Variants in DSG2 observed in about 807,000 individuals in gnomAD.
The protein encoded by DSG2 is desmoglein 2, also known as desmoglein-2.
DSG2 carries 45 observed loss-of-function variants against 75.6 expected under a neutral mutation model. The observed-to-expected ratio is 0.60, with a 90% CI of 0.47 to 0.76. DSG2 has a LOEUF of 0.76. Among genes scored for constraint, DSG2 ranks in the 30% least tolerant of loss-of-function variants. The probability of loss-of-function intolerance (pLI) is 0.00; values close to 1 mark genes in which losing one functional copy is unlikely to be tolerated. For synonymous variants in DSG2, 429 were observed against 483.9 expected (o/e 0.89, Z 1.49); for missense variants, 1,267 against 1,357.4 (o/e 0.93, Z 1.05).
rs74603547 is a variant in DSG2 at position 31,527,887 on chromosome 18, G to A, written c.1014+2999G>A. Reference sequence around the variant, plus strand: ...GGCTTATACACAGTGCCTTCTTGTTGTATCATCACATAGTGGAACATCCAA... The same window carrying A: ...GGCTTATACACAGTGCCTTCTTGTTATATCATCACATAGTGGAACATCCAA... On this transcript the variant is annotated intron_variant, in intron 8 of 14. Transcript: ENST00000261590. Among the ~76,000 whole-genome samples the A allele has an allele frequency of 7.7e-3, 1,180 of 152,270 alleles. 10 individuals carry two copies. The highest frequency in any genetic ancestry group is 0.028 in the African/African-American group (1,146 of 41,526).
intron 1 of DSG2, among the ~76,000 whole-genome samples, chr18:31,511,435 A>C (rs1164410909): frequency 6.6e-6 from 1 of 152,224 alleles, no homozygotes; most frequent in Admixed American, 6.5e-5. Flanking sequence ...GATTGGTCTA[A>C]ATTAAGAATG....
intron 1 of DSG2, among the ~76,000 whole-genome samples, 169 bp downstream of exon 1, chr18:31,498,465 G>T (rs947318701): frequency 6.6e-6 from 1 of 152,182 alleles, no homozygotes; most frequent in Non-Finnish European, 1.5e-5. Flanking sequence ...GGCGAGATCC[G>T]ACCTGGGGCT....
chr18:31,541,433 G>T, intron 13 of DSG2, 119 bp downstream of exon 13: 2 of 1,316,190 alleles, frequency 1.5e-6, no homozygotes, highest in Non-Finnish European at 2.1e-6. Context: ...TTTCACTCAT[G>T]TGCCTTTGTT....
intron 1 of DSG2, among the ~76,000 whole-genome samples, chr18:31,509,904 C>T (rs1277249000): frequency 6.6e-6 from 1 of 152,216 alleles, no homozygotes; most frequent in Non-Finnish European, 1.5e-5. Context: ...CATCCACTCC[C>T]TTTATTTTAT....
At chr18:31,527,743 A>G (rs1321936935) in intron 8 of DSG2, among the ~76,000 whole-genome samples, 1 of 152,234 alleles carries the variant, frequency 6.6e-6, no homozygotes, top group African/African-American at 2.4e-5. Context: ...TTGGGCTGCT[A>G]CAACAAAATG....
chr18:31,526,613 C>T lies in DSG2; in HGVS notation c.1014+1725C>T, dbSNP rs577957426. Among the ~76,000 whole-genome samples, 22 of 152,186 alleles carry T rather than the reference C, an allele frequency of 1.4e-4. No individual in the cohort carries two copies. The South Asian group carries it at 2.9e-3, about 20-fold the overall frequency. On this transcript the variant is annotated intron_variant, in intron 8 of 14. Transcript: ENST00000261590. Reference sequence around the variant, plus strand: ...AGCCATCAATTTATAGGTATGACCACGCCAGATACCTGAGATAGAAAAGCC... The same window carrying T: ...AGCCATCAATTTATAGGTATGACCATGCCAGATACCTGAGATAGAAAAGCC...
intron 8 of DSG2, 46 bp downstream of exon 8, chr18:31,524,934 G>A (rs1260459236): frequency 6.4e-7 from 1 of 1,563,020 alleles, no homozygotes; most frequent in East Asian, 2.2e-5. Context: ...GTTGGTGCTG[G>A]AAAGGAATCT....
chr18:31,516,080 A>G (rs115978227), intron 1 of DSG2, among the ~76,000 whole-genome samples: 4 of 152,318 alleles, frequency 2.6e-5, no homozygotes, highest in Admixed American at 2.0e-4. Context: ...TCAATTTGGA[A>G]TTATAAGTAA....
chr18:31,543,819 T>C (rs987690202), intron 14 of DSG2, among the ~76,000 whole-genome samples: 1 of 146,150 alleles, frequency 6.8e-6, no homozygotes, highest in Non-Finnish European at 1.5e-5. Flanking sequence ...TGAGCTGTGA[T>C]CATACCACTG....
intron 3 of DSG2, among the ~76,000 whole-genome samples, chr18:31,520,452 T>C (rs922116769): frequency 5.9e-5 from 9 of 152,192 alleles, no homozygotes; most frequent in Non-Finnish European, 1.3e-4. Flanking sequence ...TGCACAAACA[T>C]AAACCCTTCA....
intron 8 of DSG2, among the ~76,000 whole-genome samples, chr18:31,527,480 T>C (rs575809757): frequency 1.1e-4 from 17 of 152,268 alleles, no homozygotes; most frequent in African/African-American, 3.6e-4. Flanking sequence ...AACAATAAAA[T>C]GAGTATTACA....
Position 31,545,714 on chromosome 18 carries a change from A to C in DSG2, c.2335-7A>C, listed in dbSNP as rs528851283. On this transcript the variant is annotated splice_polypyrimidine_tract_variant and splice_region_variant and intron_variant, in intron 14 of 14. Transcript: ENST00000261590. ...TTTGTGTTTGTTTTGTTTTGTTTTC[A>C]TTTTAGAAAGCGGCCTCTTACACTG... 3 of 1,612,934 alleles carry C rather than the reference A, an allele frequency of 1.9e-6. No individual in the cohort carries two copies. Among genetic ancestry groups the C allele is most frequent in the East Asian group, 4.5e-5 (2 of 44,862 alleles).
At chr18:31,530,473 A>G (rs574964028) in intron 8 of DSG2, among the ~76,000 whole-genome samples, 1 of 152,332 alleles carries the variant, frequency 6.6e-6, no homozygotes, top group African/African-American at 2.4e-5. Context: ...GCTGAAGTGC[A>G]GTGGCATGAT....
rs2144353139 is a variant in DSG2 at position 31,542,622 on chromosome 18, G to A, written c.2104G>A (p.Ala702Thr). The change falls in exon 14 of 15, where the codon GCT (alanine) becomes ACT (threonine). Residue 702 changes from alanine to threonine, a missense_variant. Ala to Thr is a moderately conservative substitution (Grantham distance 58). Coordinates refer to ENST00000261590, the MANE Select transcript of DSG2 (RefSeq NM_001943.5). ...KEATMKGSSS[A>T]SIVKGQHEMS... ...AGCCACGATGAAAGGAAGTAGCTCT[G>A]CTTCCATTGTCAAAGGGCAACATGA... The A allele has an allele frequency of 6.2e-7, 1 of 1,614,138 alleles. No homozygotes were observed.
intron 14 of DSG2, among the ~76,000 whole-genome samples, chr18:31,543,864 TAAAAAA>T (rs576034927): frequency 2.1e-5 from 2 of 94,858 alleles, no homozygotes; most frequent in Non-Finnish European, 4.2e-5. Flanking sequence ...AAACTCTGTC[TAAAAAA>T]AAAAAAAAAA....
chr18:31,500,737 T>C (rs2073009441), intron 1 of DSG2, among the ~76,000 whole-genome samples: 1 of 152,128 alleles, frequency 6.6e-6, no homozygotes, highest in African/African-American at 2.4e-5. Flanking sequence ...ATCAAACATT[T>C]AGGCCAGCTG....
intron 6 of DSG2, among the ~76,000 whole-genome samples, chr18:31,523,730 T>C (rs1421256622): frequency 6.6e-6 from 1 of 152,184 alleles, no homozygotes; most frequent in Non-Finnish European, 1.5e-5. Context: ...CAGATTCACT[T>C]ATTATCCTCA....
At chr18:31,519,729 A>G (rs1319186542) in intron 2 of DSG2, 74 bp from the exon 3 acceptor site, 21 of 1,510,520 alleles carry the variant, frequency 1.4e-5, no homozygotes, top group Middle Eastern at 3.4e-4. Context: ...AAAGTTTATT[A>G]TGTTATAGGA....
At chr18:31,524,930 G>T in intron 8 of DSG2, 42 bp downstream of exon 8, 1 of 1,581,120 alleles carries the variant, frequency 6.3e-7, no homozygotes, top group East Asian at 2.2e-5. Context: ...CCAAGTTGGT[G>T]CTGGAAAGGA....
Sources: allele counts gnomAD v4.1 joint callset (sites outside exome capture counted in the v4.1 genomes callset), GRCh38; gene constraint gnomAD v4.1.1; transcripts MANE v1.5; gene names NCBI Gene and HGNC (gene_info 2026-07-23, HGNC 2026-07-21).